PCLO: variants seen among roughly 807,000 people sequenced by gnomAD.
The protein encoded by PCLO is piccolo presynaptic cytomatrix protein, also known as protein piccolo.
Under a neutral mutation model 427.5 loss-of-function variants are expected in PCLO, and 82 were observed. The ratio of observed to expected loss-of-function variants is 0.19; its 90% CI spans 0.16 to 0.23. PCLO has a LOEUF of 0.23. Among genes scored for constraint, PCLO ranks in the 10% least tolerant of loss-of-function variants. The pLI, the probability that PCLO is intolerant of heterozygous loss-of-function variation, is 1.00. For missense variants in PCLO, 6,239 were observed against 6,115.9 expected (o/e 1.02, Z -0.67); for synonymous variants, 2,357 against 2,155.4 (o/e 1.09, Z -2.59).
In PCLO at chr7:82,966,478, A is replaced by T; in HGVS notation, c.3310T>A (p.Trp1104Arg). The T allele has an allele frequency of 6.4e-7, 1 of 1,567,694 alleles. No homozygotes were observed. The highest frequency in any genetic ancestry group is 8.6e-7 in the Non-Finnish European group (1 of 1,160,340). The change falls in exon 4 of 25, where the codon TGG becomes AGG. Residue 1104 changes from tryptophan (W) to arginine (R), a missense_variant. By Grantham distance (101) the Trp-to-Arg change is moderately radical. Transcript: ENST00000333891. ...TGGGTTTGGCAATTTAAACAAAGCC[A>T]TTCTTGAATCTGTGGGAAAAAAATT... is the stretch of plus-strand genomic sequence containing the variant. ...PTPHLTEIQE[W>R]LCLNCQTQRA...
At chr7:83,073,883 G>T (rs1789881224) in intron 3 of PCLO, among the ~76,000 whole-genome samples, 1 of 151,144 alleles carries the variant, frequency 6.6e-6, no homozygotes, top group African/African-American at 2.4e-5. Flanking sequence ...TATATGTGGA[G>T]ATTCCAGGTA....
intron 8 of PCLO, among the ~76,000 whole-genome samples, chr7:82,908,610 C>G (rs1339234115): frequency 1.3e-5 from 2 of 152,074 alleles, no homozygotes; most frequent in African/African-American, 2.4e-5. Flanking sequence ...TCTTGTATAG[C>G]TGTGCTGGAT....
chr7:83,128,522 C>A (rs1791496024), intron 3 of PCLO, among the ~76,000 whole-genome samples: 1 of 152,042 alleles, frequency 6.6e-6, no homozygotes, highest in Non-Finnish European at 1.5e-5. Flanking sequence ...CTTCGTTAGA[C>A]TATTAATTGA....
At chr7:83,025,771 C>A (rs1259503736) in intron 3 of PCLO, among the ~76,000 whole-genome samples, 2 of 151,124 alleles carry the variant, frequency 1.3e-5, no homozygotes, top group Non-Finnish European at 3.0e-5. Flanking sequence ...AGAAACCCTA[C>A]AAGCCAGAAG....
chr7:83,012,652 A>G (rs1372773426), intron 3 of PCLO, among the ~76,000 whole-genome samples: 1 of 147,798 alleles, frequency 6.8e-6, no homozygotes, highest in Non-Finnish European at 1.5e-5. Flanking sequence ...AAAAGCCAGA[A>G]GCCCAGATTT....
In PCLO at chr7:83,102,112, A is replaced by G. The variant is rs148189554; in HGVS notation, c.3300+32138T>C. 3.3e-3 allele frequency among the ~76,000 whole-genome samples: 414 copies of G among 123,874 alleles called. 3 individuals carry two copies. The highest frequency in any genetic ancestry group is 0.012 in the African/African-American group (398 of 33,140). 81.3% of individuals were successfully genotyped at this position (123,874 alleles called of 152,430 possible). ...CATGGGCAAGAATAAACATAATGAT[A>G]ATAAATAAATATAATAAACAAATTC... is the stretch of plus-strand genomic sequence containing the variant. On this transcript the variant is annotated intron_variant, in intron 3 of 24. Coordinates refer to ENST00000333891, the MANE Select transcript of PCLO (RefSeq NM_033026.6).
intron 22 of PCLO, among the ~76,000 whole-genome samples, chr7:82,791,430 GGAT>G (rs1182737780): frequency 1.3e-5 from 2 of 152,106 alleles, no homozygotes; most frequent in Non-Finnish European, 2.9e-5. Context: ...CATCCACTTT[GGAT>G]GATAACAGCC....
In PCLO at chr7:82,827,880, A is replaced by T. The variant is rs772609292; in HGVS notation, c.14336T>A (p.Met4779Lys). The change falls in exon 17 of 25, where the codon ATG (methionine) becomes AAG (lysine). Residue 4779 changes from methionine to lysine, a missense_variant. By Grantham distance (95) the Met-to-Lys change is moderately conservative. Coordinates refer to ENST00000333891, the MANE Select transcript of PCLO (RefSeq NM_033026.6). Reference protein sequence around the residue: ...NQTVIYKSISMEQLKKKTLEV... With the variant: ...NQTVIYKSISKEQLKKKTLEV... ...GAAATAATCTTGACATACCTGTTCCATGGAAATACTTTTATAAATTACTGT... is the reference window on the plus strand; with the variant it reads ...GAAATAATCTTGACATACCTGTTCCTTGGAAATACTTTTATAAATTACTGT... 3 of 1,542,942 alleles carry T rather than the reference A, an allele frequency of 1.9e-6. No individual in the cohort carries two copies. In the South Asian group the frequency reaches 3.4e-5, roughly 17 times the overall value.
At chr7:83,033,354 C>G (rs775381451) in intron 3 of PCLO, among the ~76,000 whole-genome samples, 36 of 152,266 alleles carry the variant, frequency 2.4e-4, no homozygotes, top group Non-Finnish European at 4.6e-4. Context: ...TAGTAGATTA[C>G]TGTAAATATT....
intron 4 of PCLO, among the ~76,000 whole-genome samples, chr7:82,961,131 G>A (rs1795647877): frequency 6.6e-6 from 1 of 152,168 alleles, no homozygotes; most frequent in Non-Finnish European, 1.5e-5. Flanking sequence ...GGTAAATTAA[G>A]AGTATTGTTT....
chr7:82,769,206 T>A (rs1046222035), intron 22 of PCLO, among the ~76,000 whole-genome samples: 2 of 152,198 alleles, frequency 1.3e-5, no homozygotes, highest in Admixed American at 6.5e-5. Flanking sequence ...TTTTGCTTTT[T>A]TCTTTTAGTC....
At chr7:83,056,364 C>G (rs899637248) in intron 3 of PCLO, among the ~76,000 whole-genome samples, 9 of 152,048 alleles carry the variant, frequency 5.9e-5, no homozygotes, top group African/African-American at 2.2e-4. Flanking sequence ...AAACAGACTT[C>G]TAAAATGTTA....
intron 22 of PCLO, among the ~76,000 whole-genome samples, chr7:82,783,059 C>T (rs902474444): frequency 6.6e-6 from 1 of 152,140 alleles, no homozygotes; most frequent in Non-Finnish European, 1.5e-5. Context: ...AACTAGGCCT[C>T]AAAGGAGCCA....
chr7:82,820,585 CTGTT>C, intron 20 of PCLO: 2 of 1,228,270 alleles, frequency 1.6e-6, no homozygotes, highest in Non-Finnish European at 2.0e-6. Flanking sequence ...TGGAAAATGT[CTGTT>C]TGTAGGATCA....
chr7:83,002,761 G>A lies in PCLO; in HGVS notation c.3301-36274C>T, dbSNP rs554380247. ...GATATGGAAAGACTCCACAAAAAGC[G>A]AAAATAACTGATTAAGAAGCAGCCA... is the stretch of plus-strand genomic sequence containing the variant. On this transcript the variant is annotated intron_variant, in intron 3 of 24. Transcript: ENST00000333891. 1.4e-4 allele frequency among the ~76,000 whole-genome samples: 22 copies of A among 151,892 alleles called. No homozygotes were observed. In the East Asian group the frequency reaches 2.3e-3, roughly 16 times the overall value.
chr7:83,150,397 C>A (rs1017050172), intron 2 of PCLO, among the ~76,000 whole-genome samples: 2 of 152,194 alleles, frequency 1.3e-5, no homozygotes, highest in Non-Finnish European at 2.9e-5. Flanking sequence ...CCAGTGGATT[C>A]TTAAGGTTTG....
intron 3 of PCLO, among the ~76,000 whole-genome samples, chr7:83,093,054 A>C (rs1790421857): frequency 6.6e-6 from 1 of 152,040 alleles, no homozygotes; most frequent in East Asian, 1.9e-4. Flanking sequence ...GACTATTGCT[A>C]GGCTCAGAAA....
chr7:82,833,835 A>G (rs1792159219), intron 16 of PCLO, among the ~76,000 whole-genome samples: 1 of 152,116 alleles, frequency 6.6e-6, no homozygotes, highest in South Asian at 2.1e-4. Context: ...TATTTATTTC[A>G]TGTATTTCAC....
Position 82,801,594 on chromosome 7 carries a change from G to T in PCLO, c.14934-3C>A. On this transcript the variant is annotated splice_region_variant and splice_polypyrimidine_tract_variant and intron_variant, in intron 21 of 24. Transcript: ENST00000333891. ...GTCCATTCTGTCCCATCTTCCCTCT[G>T]TTTAGAAATAAAATAAAATGATATA... 2 of 1,548,480 alleles carry T rather than the reference G, an allele frequency of 1.3e-6. No homozygotes were observed. Among genetic ancestry groups the T allele is most frequent in the Non-Finnish European group, 1.8e-6 (2 of 1,121,886 alleles).
Sources: allele counts gnomAD v4.1 joint callset (sites outside exome capture counted in the v4.1 genomes callset), GRCh38; gene constraint gnomAD v4.1.1; transcripts MANE v1.5; gene names NCBI Gene and HGNC (gene_info 2026-07-23, HGNC 2026-07-21).